The following MYT1L variants were observed in gnomAD, a reference collection of about 807,000 sequenced individuals.
MYT1L encodes myelin transcription factor 1-like protein.
Under a neutral mutation model 126.7 loss-of-function variants are expected in MYT1L, and 12 were observed. The observed-to-expected ratio is 0.09, with a 90% CI of 0.06 to 0.15. The LOEUF is 0.15. Ranked by LOEUF, MYT1L falls within the 10% of genes least tolerant of loss-of-function variation. The pLI, the probability that MYT1L is intolerant of heterozygous loss-of-function variation, is 1.00. For missense variants in MYT1L, 979 were observed against 1,585.2 expected (o/e 0.62, Z 6.49); for synonymous variants, 541 against 604.2 (o/e 0.90, Z 1.53).
At chr2:1,890,808 G>A (rs1247897207) in intron 15 of MYT1L, among the ~76,000 whole-genome samples, 1 of 152,180 alleles carries the variant, frequency 6.6e-6, no homozygotes, top group Non-Finnish European at 1.5e-5. Flanking sequence ...GAAGATGCTT[G>A]GAATGAGACC....
chr2:2,098,133 T>C (rs111503062), intron 3 of MYT1L, among the ~76,000 whole-genome samples: 3,716 of 152,256 alleles, frequency 0.024, 133 homozygotes, highest in African/African-American at 0.084. Context: ...CCTTTCTTTA[T>C]AAATTACCCA....
At chr2:2,294,804 G>A (rs1254296517) in intron 1 of MYT1L, among the ~76,000 whole-genome samples, 3 of 152,196 alleles carry the variant, frequency 2.0e-5, no homozygotes, top group Non-Finnish European at 4.4e-5. Context: ...GAAAGCAATA[G>A]TGTGTGCAAA....
At chr2:1,823,640 C>T (rs1484550558) in intron 21 of MYT1L, among the ~76,000 whole-genome samples, 1 of 150,484 alleles carries the variant, frequency 6.6e-6, no homozygotes, top group African/African-American at 2.4e-5. Flanking sequence ...GTGGGTCGTG[C>T]TCCTGGGAGG....
intron 2 of MYT1L, among the ~76,000 whole-genome samples, chr2:2,221,867 T>A (rs1371298264): frequency 6.6e-6 from 1 of 152,160 alleles, no homozygotes; most frequent in African/African-American, 2.4e-5. Context: ...ACAGACAAAT[T>A]ATTAGGTCCA....
At chr2:2,294,478 T>C (rs1317236995) in intron 1 of MYT1L, among the ~76,000 whole-genome samples, 1 of 152,064 alleles carries the variant, frequency 6.6e-6, no homozygotes, top group Non-Finnish European at 1.5e-5. Context: ...CCTGATGCAG[T>C]TCATCTGAGG....
intron 15 of MYT1L, among the ~76,000 whole-genome samples, chr2:1,891,603 C>T (rs1408008560): frequency 6.6e-6 from 1 of 152,166 alleles, no homozygotes; most frequent in East Asian, 1.9e-4. Flanking sequence ...TCCCTGCTAC[C>T]CAGGAGTCCA....
At chr2:2,068,856 A>G (rs2074245664) in intron 3 of MYT1L, among the ~76,000 whole-genome samples, 1 of 136,642 alleles carries the variant, frequency 7.3e-6, no homozygotes, top group East Asian at 2.2e-4. Flanking sequence ...GGGAGTCACA[A>G]TTACTTAGCT....
chr2:1,840,659 CCG>C (rs1558716953), intron 20 of MYT1L, 99 bp downstream of exon 20: 2 of 855,656 alleles, frequency 2.3e-6, no homozygotes, highest in African/African-American at 3.5e-5. Context: ...CCACTAAGAC[CCG>C]CTGTCTCTTT....
chr2:2,277,785 A>C (rs1216159984), intron 2 of MYT1L, among the ~76,000 whole-genome samples: 2 of 152,240 alleles, frequency 1.3e-5, no homozygotes, highest in Non-Finnish European at 2.9e-5. Flanking sequence ...CCTTTGCAAC[A>C]GAATAAAAAA....
intron 4 of MYT1L, among the ~76,000 whole-genome samples, chr2:2,047,843 A>C (rs1231597857): frequency 1.3e-5 from 2 of 152,000 alleles, no homozygotes; most frequent in African/African-American, 2.4e-5. Flanking sequence ...GTAAACTACT[A>C]CTAAGGAGAA....
chr2:2,047,467 T>C (rs1415024226), intron 4 of MYT1L, among the ~76,000 whole-genome samples: 1 of 152,218 alleles, frequency 6.6e-6, no homozygotes. Context: ...GAACCTTCTA[T>C]GGAATGTGGG....
intron 23 of MYT1L, among the ~76,000 whole-genome samples, chr2:1,800,756 A>T (rs1489508741): frequency 1.1e-4 from 16 of 152,104 alleles, no homozygotes; most frequent in Admixed American, 9.2e-4. Context: ...ATCATCACGT[A>T]GATGGCTGGC....
rs1048441464 is a variant in MYT1L at position 1,793,791 on chromosome 2, G to A, written c.3277-1327C>T. On this transcript the variant is annotated intron_variant, in intron 23 of 24. Coordinates refer to ENST00000647738, the MANE Select transcript of MYT1L (RefSeq NM_001303052.2). This position sits in a 1 kb window ranked among gnomAD's most constrained non-coding sequence, Gnocchi z 4.6. ...CACGTCCTGGGTGACCTTCTCATTC[G>A]TGTTCTTTGGGGTTATTTATCAAAT... 3.3e-5 allele frequency among the ~76,000 whole-genome samples: 5 copies of A among 152,102 alleles called. No homozygotes were observed. Among genetic ancestry groups the A allele is most frequent in the Non-Finnish European group, 7.3e-5 (5 of 68,042 alleles).
intron 3 of MYT1L, among the ~76,000 whole-genome samples, chr2:2,153,127 G>A (rs1431371392): frequency 6.6e-6 from 1 of 152,136 alleles, no homozygotes; most frequent in Non-Finnish European, 1.5e-5. Flanking sequence ...GTGAGTCCCT[G>A]TCTGTACTAA....
At chr2:2,041,622 G>A (rs1039701849) in intron 4 of MYT1L, among the ~76,000 whole-genome samples, 3 of 152,134 alleles carry the variant, frequency 2.0e-5, no homozygotes, top group African/African-American at 7.2e-5. Flanking sequence ...CCTGCAGAAG[G>A]AGCCCGTCCC....
intron 3 of MYT1L, among the ~76,000 whole-genome samples, chr2:2,074,815 A>C (rs1201443173): frequency 6.6e-6 from 1 of 152,180 alleles, no homozygotes; most frequent in Non-Finnish European, 1.5e-5. Flanking sequence ...TTTTGATCTC[A>C]TGCAGGGGTT....
intron 2 of MYT1L, among the ~76,000 whole-genome samples, chr2:2,178,281 T>G (rs1163189703): frequency 6.6e-6 from 1 of 152,146 alleles, no homozygotes; most frequent in Non-Finnish European, 1.5e-5. Context: ...TGTAAGCAAC[T>G]TGCACTCCCC....
At chr2:1,846,814 G>T (rs2148473895) in intron 19 of MYT1L, among the ~76,000 whole-genome samples, 1 of 152,316 alleles carries the variant, frequency 6.6e-6, no homozygotes, top group South Asian at 2.1e-4. Flanking sequence ...GGCAGATACT[G>T]ACAGGGTTGG....
chr2:1,901,127 T>C (rs1458132648), intron 14 of MYT1L, among the ~76,000 whole-genome samples: 1 of 152,174 alleles, frequency 6.6e-6, no homozygotes, highest in African/African-American at 2.4e-5. Context: ...GGATTTGACT[T>C]CGGGTGCCCT....
Sources: gnomAD v4.1 joint callset for allele counts (sites outside exome capture counted in the v4.1 genomes callset) on GRCh38, gnomAD v4.1.1 for gene constraint, Gnocchi (gnomAD v3.1) non-coding constraint, MANE v1.5 for transcripts, NCBI Gene and HGNC (gene_info 2026-07-23, HGNC 2026-07-21) for gene names.